The following PON2 variants were observed in gnomAD, a reference collection of about 807,000 sequenced individuals.
The protein encoded by PON2 is paraoxonase 2.
PON2 carries 27 observed loss-of-function variants against 36.6 expected under a neutral mutation model. That is an observed-to-expected ratio of 0.74 (90% CI 0.54 to 1.02). PON2 has a LOEUF of 1.02. Ranked by LOEUF, PON2 falls within the 50% of genes least tolerant of loss-of-function variation. PON2 has a pLI of 0.00. For missense variants in PON2, 363 were observed against 421.1 expected (o/e 0.86, Z 1.21); for synonymous variants, 149 against 156.3 (o/e 0.95, Z 0.35).
chr7:95,406,894 A>G, intron 7 of PON2, 93 bp downstream of exon 7: 9 of 732,912 alleles, frequency 1.2e-5, no homozygotes, highest in Non-Finnish European at 2.1e-5. Context: ...ACTGGCATCC[A>G]TATTTTGTTC....
intron 1 of PON2, among the ~76,000 whole-genome samples, 171 bp downstream of exon 1, chr7:95,434,707 G>T (rs1165134789): frequency 6.6e-6 from 1 of 152,178 alleles, no homozygotes; most frequent in Non-Finnish European, 1.5e-5. Context: ...GAGAGTCGGG[G>T]TGATGGGGGT....
intron 1 of PON2, chr7:95,434,422 A>G (rs1789514187): frequency 6.0e-6 from 1 of 166,976 alleles, no homozygotes; most frequent in Non-Finnish European, 1.3e-5. Context: ...CTATGCAGAA[A>G]TGGGTGGAGA....
intron 1 of PON2, among the ~76,000 whole-genome samples, chr7:95,426,509 C>G (rs769162798): frequency 6.6e-6 from 1 of 152,210 alleles, no homozygotes; most frequent in African/African-American, 2.4e-5. Context: ...AATTTTCCCA[C>G]GGCGCAACTT....
chr7:95,407,107 A>G, intron 6 of PON2, 39 bp from the exon 7 acceptor site: 3 of 1,295,416 alleles, frequency 2.3e-6, no homozygotes, highest in Non-Finnish European at 3.4e-6. Context: ...CTCCATGCCA[A>G]TATAAAGCTT....
Position 95,417,380 on chromosome 7 carries a change from C to T in PON2, c.146-1083G>A, listed in dbSNP as rs115609257. ...CAGAAAGAAGATACACAGAAATAAG[C>T]TTAAGCATGGCATAGCGGAGGAGTT... On this transcript the variant is annotated intron_variant, in intron 2 of 8. Transcript: ENST00000222572. 5.9e-3 allele frequency among the ~76,000 whole-genome samples: 892 copies of T among 152,258 alleles called. 3 individuals are homozygous for T. The highest frequency in any genetic ancestry group is 0.021 in the African/African-American group (855 of 41,546).
rs796169594 is a variant in PON2, at chr7:95,412,682, G to C, written c.202-205C>G. On this transcript the variant is annotated intron_variant, in intron 3 of 8. Coordinates refer to ENST00000222572, the MANE Select transcript of PON2 (RefSeq NM_000305.3). ...AAAGCCTGAAAATAACTGAAAAGAA[G>C]ATCAGGGATTTATTCTCTTCAGAGA... is the stretch of plus-strand genomic sequence containing the variant. The C allele has an allele frequency of 1.2e-5, 7 of 593,372 alleles. No homozygotes were observed. The African/African-American group carries it at 1.3e-4, about 11-fold the overall frequency. The allele number at this position is 593,372 out of a possible 1,614,324, so 36.8% of individuals were successfully genotyped here. A position where few individuals can be genotyped will look rare whatever the true frequency, so the allele number is the denominator to read the frequency against.
chr7:95,406,384 T>A, intron 7 of PON2, 137 bp from the exon 8 acceptor site: 2 of 933,646 alleles, frequency 2.1e-6, no homozygotes, highest in Non-Finnish European at 3.3e-6. Flanking sequence ...CAATATTGCT[T>A]AAAAGGAATG....
In PON2 at chr7:95,410,094, C is replaced by A; in HGVS notation, c.502G>T (p.Asp168Tyr). 6.2e-7 allele frequency: 1 copy of A among 1,612,928 alleles called. No homozygotes were observed. Among genetic ancestry groups the A allele is most frequent in the South Asian group, 1.1e-5 (1 of 91,030 alleles). ...TGTGCCGGTCCAACAGCTGTGATGT[C>A]ATTCACACTGAAAAAGAAAAATAGC... ...VKHELLPSVN[D>Y]ITAVGPAHFY... is the part of the protein sequence containing the mutation. The change falls in exon 6 of 9, where the codon GAC becomes TAC. Residue 168 changes from aspartate (D) to tyrosine (Y), a missense_variant. By Grantham distance (160) the Asp-to-Tyr change is radical (BLOSUM62 -3). Transcript: ENST00000222572.
chr7:95,416,821 A>C (rs1362043002), intron 2 of PON2, among the ~76,000 whole-genome samples: 1 of 152,196 alleles, frequency 6.6e-6, no homozygotes. Context: ...TTTCTATTTA[A>C]TCTTTAAATT....
chr7:95,419,052 C>T (rs1339913511), intron 2 of PON2, among the ~76,000 whole-genome samples: 1 of 152,168 alleles, frequency 6.6e-6, no homozygotes, highest in Non-Finnish European at 1.5e-5. Context: ...ATCATTACTA[C>T]ACTAAAAATT....
chr7:95,435,000 C>T lies in PON2; in HGVS notation c.-49G>A. ...CTCGCTCCGGCCTGGCCAGCAGCTC[C>T]GTGGGCGGTGCCATCTTCCCGGCTC... On this transcript the variant is annotated 5_prime_UTR_variant, in exon 1 of 9. Coordinates refer to ENST00000222572, the MANE Select transcript of PON2 (RefSeq NM_000305.3). 6.7e-7 allele frequency: 1 copy of T among 1,487,030 alleles called. No homozygotes were observed. The highest frequency in any genetic ancestry group is 8.9e-7 in the Non-Finnish European group (1 of 1,122,730). The allele number at this position is 1,487,030 out of a possible 1,614,324, so 92.1% of individuals were successfully genotyped here.
At chr7:95,413,639 T>C (rs1281928098) in intron 3 of PON2, among the ~76,000 whole-genome samples, 1 of 152,246 alleles carries the variant, frequency 6.6e-6, no homozygotes, top group African/African-American at 2.4e-5. Flanking sequence ...TGGTGATTCA[T>C]CATTACATTC....
chr7:95,405,109 C>G lies in PON2; in HGVS notation c.*221G>C. ...ATGTATTCACTTTATTCGAAAGCAG[C>G]TTTCTTTTCTGTCCCTTGCTTGGCA... is the stretch of plus-strand genomic sequence containing the variant. On this transcript the variant is annotated 3_prime_UTR_variant, in exon 9 of 9. Transcript: ENST00000222572. 1 of 513,686 alleles carries G rather than the reference C, an allele frequency of 1.9e-6. No homozygotes were observed. The highest frequency in any genetic ancestry group is 2.4e-5 in the South Asian group (1 of 42,348). 31.8% of individuals were successfully genotyped at this position (513,686 alleles called of 1,614,324 possible).
intron 2 of PON2, among the ~76,000 whole-genome samples, chr7:95,421,829 A>G (rs571669279): frequency 1.3e-5 from 2 of 152,202 alleles, no homozygotes; most frequent in Non-Finnish European, 2.9e-5. Flanking sequence ...AAAGAAAGGG[A>G]GGCAAGCAAG....
intron 1 of PON2, among the ~76,000 whole-genome samples, chr7:95,431,285 T>A (rs2116509940): frequency 6.6e-6 from 1 of 152,308 alleles, no homozygotes; most frequent in East Asian, 1.9e-4. Flanking sequence ...GAGAAATAAC[T>A]TGATTGCCAA....
chr7:95,406,305 T>G lies in PON2; in HGVS notation c.778-58A>C, dbSNP rs549918083. On this transcript the variant is annotated intron_variant, in intron 7 of 8. Transcript: ENST00000222572. ...ACATGAGAAACTTGATTAAATAATT[T>G]AGAGGTAACCTTCCTGCCTCTATGC... The G allele has an allele frequency of 1.1e-4, 178 of 1,563,276 alleles. No individual in the cohort carries two copies. In the East Asian group the frequency reaches 4.0e-3, roughly 35 times the overall value.
At position 95,405,119 on chromosome 7, in the gene PON2, T is replaced by G. The variant is rs1809642646; in HGVS notation, c.*211A>C. The G allele has an allele frequency of 1.1e-5, 6 of 537,576 alleles. No individual in the cohort carries two copies. The highest frequency in any genetic ancestry group is 1.1e-3 in the Middle Eastern group (2 of 1,884). The allele number at this position is 537,576 out of a possible 1,614,324, so 33.3% of individuals were successfully genotyped here. A position where few individuals can be genotyped will look rare whatever the true frequency, so the allele number is the denominator to read the frequency against. ...TTTATTCGAAAGCAGCTTTCTTTTC[T>G]GTCCCTTGCTTGGCATTTTAAAGAA... On this transcript the variant is annotated 3_prime_UTR_variant, in exon 9 of 9. Coordinates refer to ENST00000222572, the MANE Select transcript of PON2 (RefSeq NM_000305.3).
intron 2 of PON2, among the ~76,000 whole-genome samples, chr7:95,417,061 A>G (rs1400055692): frequency 6.6e-6 from 1 of 152,174 alleles, no homozygotes; most frequent in African/African-American, 2.4e-5. Context: ...AGACCCAAAC[A>G]CAAGAAAAGA....
chr7:95,416,431 C>A (rs1465738275), intron 2 of PON2, 134 bp from the exon 3 acceptor site: 1 of 1,020,624 alleles, frequency 9.8e-7, no homozygotes, highest in South Asian at 1.4e-5. Context: ...TTCCAAGGAA[C>A]CATTCTTTTT....
Sources: allele counts gnomAD v4.1 joint callset (sites outside exome capture counted in the v4.1 genomes callset), GRCh38; gene constraint gnomAD v4.1.1; transcripts MANE v1.5; gene names NCBI Gene and HGNC (gene_info 2026-07-23, HGNC 2026-07-21).